Variants in SCN11A observed in about 807,000 individuals in gnomAD.
SCN11A encodes sodium channel protein type 11 subunit alpha.
SCN11A carries 122 observed loss-of-function variants against 162.2 expected under a neutral mutation model. The observed-to-expected ratio is 0.75, with a 90% CI of 0.65 to 0.87. The LOEUF (loss-of-function observed/expected upper bound fraction) is 0.87, where lower values mean the gene tolerates loss of function less well. Ranked by LOEUF, SCN11A falls within the 40% of genes least tolerant of loss-of-function variation. The probability of loss-of-function intolerance (pLI) is 0.00; values close to 1 mark genes in which losing one functional copy is unlikely to be tolerated. For synonymous variants in SCN11A, 758 were observed against 751.5 expected (o/e 1.01, Z -0.14); for missense variants, 2,015 against 2,181.6 (o/e 0.92, Z 1.52).
At chr3:38,914,347 A>T (rs1239208048) in intron 11 of SCN11A, among the ~76,000 whole-genome samples, 1 of 152,156 alleles carries the variant, frequency 6.6e-6, no homozygotes, top group Non-Finnish European at 1.5e-5. Context: ...TTGTGTCTTG[A>T]AACTTTGCTG....
intron 2 of SCN11A, among the ~76,000 whole-genome samples, chr3:39,026,795 G>A (rs900259467): frequency 6.6e-6 from 1 of 152,124 alleles, no homozygotes; most frequent in Non-Finnish European, 1.5e-5. Flanking sequence ...AGGGGTTGAG[G>A]AATTTCATCA....
chr3:38,873,868 T>C (rs2065167448), intron 23 of SCN11A, among the ~76,000 whole-genome samples: 1 of 152,242 alleles, frequency 6.6e-6, no homozygotes, highest in Non-Finnish European at 1.5e-5. Flanking sequence ...ATGTTGATTA[T>C]ATTCTTATGG....
intron 1 of SCN11A, among the ~76,000 whole-genome samples, chr3:39,045,562 A>G (rs1260931218): frequency 6.6e-6 from 1 of 152,250 alleles, no homozygotes; most frequent in African/African-American, 2.4e-5. Flanking sequence ...ATCTTAATCA[A>G]TGCAGAAAAG....
At chr3:38,881,954 T>C (rs2065316967) in intron 22 of SCN11A, among the ~76,000 whole-genome samples, 1 of 152,176 alleles carries the variant, frequency 6.6e-6, no homozygotes, top group African/African-American at 2.4e-5. Flanking sequence ...GCACTGTCAC[T>C]GCTTTCCCAC....
chr3:38,925,360 A>T lies in SCN11A; in HGVS notation c.712+55T>A, dbSNP rs75595916. Reference sequence around the variant, plus strand: ...GATGACATTTTGAAAAAATTTAAATATAAATTAACATTCTTTCTAGATAGG... The same window carrying T: ...GATGACATTTTGAAAAAATTTAAATTTAAATTAACATTCTTTCTAGATAGG... On this transcript the variant is annotated intron_variant, in intron 9 of 29. Transcript: ENST00000302328. The T allele has an allele frequency of 1.1e-3, 1,321 of 1,191,574 alleles. 15 individuals are homozygous for T. The African/African-American group carries it at 0.019, about 17-fold the overall frequency. The allele number at this position is 1,191,574 out of a possible 1,614,324, so 73.8% of individuals were successfully genotyped here.
intron 19 of SCN11A, among the ~76,000 whole-genome samples, chr3:38,890,251 C>A (rs903221312): frequency 4.0e-4 from 61 of 152,124 alleles, no homozygotes; most frequent in Non-Finnish European, 4.3e-4. Flanking sequence ...CTGCCCCTGC[C>A]CAAGTGCCTG....
chr3:38,887,744 T>C (rs1209030516), intron 19 of SCN11A, among the ~76,000 whole-genome samples: 2 of 152,224 alleles, frequency 1.3e-5, no homozygotes, highest in Non-Finnish European at 2.9e-5. Flanking sequence ...TATTTTGAAT[T>C]CTTTTCATAA....
In SCN11A at chr3:38,885,337, C is replaced by A. The variant is rs764316869; in HGVS notation, c.3015G>T (p.Trp1005Cys). The A allele has an allele frequency of 5.6e-6, 9 of 1,613,576 alleles. No homozygotes were observed. The highest frequency in any genetic ancestry group is 1.6e-4 in the Middle Eastern group (1 of 6,084). ...STIDLQDGFG[W>C]LPEMVPKKQP... ...GCTTTTTGGGAACCATCTCAGGTAA[C>A]CATCCAAAGCCATCCTGAAGATCAA... is the stretch of plus-strand genomic sequence containing the variant. Residue 1005 changes from tryptophan to cysteine, a missense_variant, in exon 21 of 30, where the codon TGG becomes TGT. Trp to Cys is a radical substitution (Grantham distance 215, BLOSUM62 -2). Coordinates refer to ENST00000302328, the MANE Select transcript of SCN11A (RefSeq NM_001349253.2).
chr3:38,987,275 CCTTT>C (rs1414123351), intron 2 of SCN11A, among the ~76,000 whole-genome samples: 2 of 134,398 alleles, frequency 1.5e-5, no homozygotes, highest in Non-Finnish European at 1.6e-5. Context: ...CCTCCCAGTG[CCTTT>C]CTCTCTCTCT....
At chr3:39,025,624 T>C (rs535960334) in intron 2 of SCN11A, among the ~76,000 whole-genome samples, 1 of 152,284 alleles carries the variant, frequency 6.6e-6, no homozygotes, top group African/African-American at 2.4e-5. Flanking sequence ...TCTAGCATGT[T>C]AATGCATTAT....
intron 17 of SCN11A, among the ~76,000 whole-genome samples, chr3:38,897,642 T>G (rs4507200): frequency 0.97 from 146,612 of 151,548 alleles, 71,097 homozygotes; most frequent in East Asian, 1. Flanking sequence ...CTTGAACCTG[T>G]GAGTCAGAGG....
At chr3:39,038,314 ATACT>A (rs2031958971) in intron 1 of SCN11A, among the ~76,000 whole-genome samples, 1 of 152,248 alleles carries the variant, frequency 6.6e-6, no homozygotes. Flanking sequence ...TTACATGAAC[ATACT>A]TTAACTATAG....
intron 3 of SCN11A, among the ~76,000 whole-genome samples, chr3:38,958,537 C>T (rs2066709744): frequency 6.6e-6 from 1 of 152,154 alleles, no homozygotes; most frequent in Non-Finnish European, 1.5e-5. Context: ...CTGCTGGGGC[C>T]CTGGCTGATA....
At chr3:38,902,144 A>T (rs1399419610) in intron 16 of SCN11A, among the ~76,000 whole-genome samples, 1 of 152,108 alleles carries the variant, frequency 6.6e-6, no homozygotes, top group Non-Finnish European at 1.5e-5. Context: ...ACTCCATTCC[A>T]CCAGGAGGTG....
intron 6 of SCN11A, 136 bp downstream of exon 6, chr3:38,946,653 G>A: frequency 1.5e-6 from 1 of 680,504 alleles, no homozygotes; most frequent in Non-Finnish European, 2.6e-6. Context: ...CACAGTCCCT[G>A]CCTGCAGCAG....
At position 38,846,811 on chromosome 3, in the gene SCN11A, C is replaced by G. The variant is rs1208770302; in HGVS notation, c.5259G>C (p.Lys1753Asn). ...AFRKYMMKVTKGDQGDQNDLE... is the reference protein window; with the variant it reads ...AFRKYMMKVTNGDQGDQNDLE... ...AGTCATTTTGGTCACCTTGGTCACC[C>G]TTGGTCACCTTCATCATGTACTTTC... The change falls in exon 30 of 30, where the codon AAG becomes AAC. Residue 1753 changes from lysine to asparagine, a missense_variant. Transcript: ENST00000302328. 6.2e-7 allele frequency: 1 copy of G among 1,613,964 alleles called. No homozygotes were observed. Among genetic ancestry groups the G allele is most frequent in the East Asian group, 2.2e-5 (1 of 44,866 alleles).
At chr3:38,967,927 G>A (rs996392598) in intron 2 of SCN11A, among the ~76,000 whole-genome samples, 4 of 152,162 alleles carry the variant, frequency 2.6e-5, no homozygotes, top group Non-Finnish European at 5.9e-5. Flanking sequence ...TAAGTATTTA[G>A]TTCACTCTGC....
Position 38,921,079 on chromosome 3 carries a change from A to G in SCN11A, c.889T>C (p.Tyr297His). 1 of 1,613,824 alleles carries G rather than the reference A, an allele frequency of 6.2e-7. No homozygotes were observed. Among genetic ancestry groups the G allele is most frequent in the Non-Finnish European group, 8.5e-7 (1 of 1,179,770 alleles). Residue 297 changes from tyrosine to histidine, a missense_variant, in exon 10 of 30, where the codon TAT becomes CAT. Physicochemically the swap from Tyr to His is moderately conservative, Grantham distance 83. Coordinates refer to ENST00000302328, the MANE Select transcript of SCN11A (RefSeq NM_001349253.2). ...GAAAGAAAGGTTGGGTATTTACCAT[A>G]AGCTTCCGGGTTACTGATATTTTTA... ...DCKNISNPEA[Y>H]DHCFEKKENS... is the part of the protein sequence containing the mutation.
rs189449463 is a variant in SCN11A at position 38,980,736 on chromosome 3, T to C, written c.-279-20313A>G. On this transcript the variant is annotated intron_variant, in intron 2 of 29. Coordinates refer to ENST00000302328, the MANE Select transcript of SCN11A (RefSeq NM_001349253.2). Reference sequence around the variant, plus strand: ...ATAAATCAGGTCAGATCCAGAATTTTGTCCCCACCTTTGATGATTCAGAAA... The same window carrying C: ...ATAAATCAGGTCAGATCCAGAATTTCGTCCCCACCTTTGATGATTCAGAAA... Among the ~76,000 whole-genome samples, 713 of 152,352 alleles carry C rather than the reference T, an allele frequency of 4.7e-3. 2 individuals carry two copies. Among genetic ancestry groups the C allele is most frequent in the Middle Eastern group, 6.8e-3 (2 of 294 alleles).
Sources: gnomAD v4.1 joint callset for allele counts (sites outside exome capture counted in the v4.1 genomes callset) on GRCh38, gnomAD v4.1.1 for gene constraint, MANE v1.5 for transcripts, NCBI Gene and HGNC (gene_info 2026-07-23, HGNC 2026-07-21) for gene names.